Variants in NKAIN2 observed in about 807,000 individuals in gnomAD.
NKAIN2 encodes the protein sodium/potassium transporting ATPase interacting 2.
Under a neutral mutation model 32.6 loss-of-function variants are expected in NKAIN2, and 14 were observed. The ratio of observed to expected loss-of-function variants is 0.43; its 90% CI spans 0.28 to 0.67. The LOEUF (loss-of-function observed/expected upper bound fraction) is 0.67. Ranked by LOEUF, NKAIN2 falls within the 30% of genes least tolerant of loss-of-function variation. The pLI, the probability that NKAIN2 is intolerant of heterozygous loss-of-function variation, is 0.17. For missense variants in NKAIN2, 198 were observed against 258.3 expected (o/e 0.77, Z 1.60); for synonymous variants, 80 against 87.2 (o/e 0.92, Z 0.46).
intron 1 of NKAIN2, among the ~76,000 whole-genome samples, chr6:124,081,745 A>G (rs1433432528): frequency 6.6e-6 from 1 of 152,122 alleles, no homozygotes; most frequent in African/African-American, 2.4e-5. Context: ...AATTTGCAAT[A>G]CACCATAGAC....
chr6:124,127,164 G>T (rs189936625), intron 1 of NKAIN2, among the ~76,000 whole-genome samples: 1 of 152,270 alleles, frequency 6.6e-6, no homozygotes, highest in Non-Finnish European at 1.5e-5. Context: ...ATTCAGAAAT[G>T]ACTTCCAGGT....
At chr6:124,566,092 T>A (rs897493732) in intron 3 of NKAIN2, among the ~76,000 whole-genome samples, 4 of 152,194 alleles carry the variant, frequency 2.6e-5, no homozygotes, top group Admixed American at 2.6e-4. Context: ...CCAATTCCGA[T>A]TACCTCCAGA....
At chr6:124,511,941 G>A (rs972199764) in intron 3 of NKAIN2, among the ~76,000 whole-genome samples, 1 of 152,100 alleles carries the variant, frequency 6.6e-6, no homozygotes, top group Non-Finnish European at 1.5e-5. Context: ...TTTTGAAGTG[G>A]TTCTTTCGAT....
intron 4 of NKAIN2, among the ~76,000 whole-genome samples, chr6:124,736,565 A>T (rs1408950735): frequency 1.3e-5 from 2 of 151,970 alleles, no homozygotes; most frequent in Non-Finnish European, 2.9e-5. Flanking sequence ...TGCAGCTGGT[A>T]ACAAGTTGAA....
At chr6:124,739,334 A>C (rs896025053) in intron 4 of NKAIN2, among the ~76,000 whole-genome samples, 5 of 151,862 alleles carry the variant, frequency 3.3e-5, no homozygotes, top group Non-Finnish European at 5.9e-5. Flanking sequence ...AAGCAGTGGC[A>C]GCCAATATCA....
At chr6:123,906,521 T>A (rs1774881340) in intron 1 of NKAIN2, among the ~76,000 whole-genome samples, 1 of 152,096 alleles carries the variant, frequency 6.6e-6, no homozygotes. Flanking sequence ...TTGAATTCCT[T>A]GGCTCAAGCA....
intron 2 of NKAIN2, among the ~76,000 whole-genome samples, chr6:124,342,847 A>AT (rs1360521333): frequency 8.3e-6 from 1 of 119,966 alleles, no homozygotes; most frequent in African/African-American, 3.1e-5. Flanking sequence ...TATTATTATT[A>AT]TACTTTAAGT....
intron 1 of NKAIN2, among the ~76,000 whole-genome samples, chr6:124,170,398 T>G (rs947090947): frequency 4.6e-5 from 7 of 152,188 alleles, no homozygotes; most frequent in Non-Finnish European, 7.3e-5. Context: ...CATAGATATT[T>G]TTTTCTATTT....
In NKAIN2 at chr6:124,756,541, A is replaced by G. The variant is rs535902247; in HGVS notation, c.475-34798A>G. Among the ~76,000 whole-genome samples the G allele has an allele frequency of 1.4e-3, 211 of 152,254 alleles. 2 individuals are homozygous for G. Among genetic ancestry groups the G allele is most frequent in the African/African-American group, 4.6e-3 (193 of 41,558 alleles). On this transcript the variant is annotated intron_variant, in intron 4 of 6. Transcript: ENST00000368417. ...CTGGGCACAGTGACTTGTTTCTGTA[A>G]TCCAGAACTTTGGGAGGCCTAGGAG... is the stretch of plus-strand genomic sequence containing the variant.
At chr6:124,596,314 G>A (rs536830222) in intron 3 of NKAIN2, among the ~76,000 whole-genome samples, 1 of 152,166 alleles carries the variant, frequency 6.6e-6, no homozygotes, top group Non-Finnish European at 1.5e-5. Context: ...AGGTCCCAGA[G>A]TGTGGATAAG....
intron 1 of NKAIN2, among the ~76,000 whole-genome samples, chr6:124,205,456 T>C (rs1032626119): frequency 1.3e-5 from 2 of 151,768 alleles, no homozygotes; most frequent in South Asian, 4.1e-4. Flanking sequence ...CTGAATACTT[T>C]TACTCTACTG....
At chr6:124,735,525 TTATTGGGCTTTACTC>T (rs1026844843) in intron 4 of NKAIN2, among the ~76,000 whole-genome samples, 3 of 151,902 alleles carry the variant, frequency 2.0e-5, no homozygotes, top group Non-Finnish European at 2.9e-5. Flanking sequence ...ATATCTTGTT[TTATTGGGCTTTACTC>T]TATTGGGCTT....
At chr6:124,656,040 G>A (rs1181888466) in intron 3 of NKAIN2, among the ~76,000 whole-genome samples, 1 of 152,112 alleles carries the variant, frequency 6.6e-6, no homozygotes, top group Non-Finnish European at 1.5e-5. Flanking sequence ...CTTTTGAATG[G>A]TTTTCTCTTT....
At chr6:123,824,710 T>C (rs1248980861) in intron 1 of NKAIN2, among the ~76,000 whole-genome samples, 1 of 150,228 alleles carries the variant, frequency 6.7e-6, no homozygotes, top group Admixed American at 6.6e-5. Context: ...GTTCTACACA[T>C]GTATCCCAGA....
intron 1 of NKAIN2, among the ~76,000 whole-genome samples, chr6:124,274,230 C>T (rs1794927445): frequency 6.6e-6 from 1 of 152,062 alleles, no homozygotes; most frequent in Admixed American, 6.6e-5. Flanking sequence ...ATGTTCTGTT[C>T]TTACTGTGAA....
At chr6:124,611,358 G>GT (rs1782682251) in intron 3 of NKAIN2, among the ~76,000 whole-genome samples, 1 of 152,012 alleles carries the variant, frequency 6.6e-6, no homozygotes, top group African/African-American at 2.4e-5. Flanking sequence ...TATTTTGTTT[G>GT]TTTGTTTGTT....
At chr6:124,727,696 C>A (rs1776404103) in intron 4 of NKAIN2, among the ~76,000 whole-genome samples, 1 of 150,112 alleles carries the variant, frequency 6.7e-6, no homozygotes, top group East Asian at 2.0e-4. Flanking sequence ...GGATCAAATT[C>A]ACACATAACA....
At chr6:124,623,745 T>G (rs2114266835) in intron 3 of NKAIN2, among the ~76,000 whole-genome samples, 1 of 152,280 alleles carries the variant, frequency 6.6e-6, no homozygotes, top group African/African-American at 2.4e-5. Flanking sequence ...TTGGTTTTTC[T>G]TTTCTTCCTT....
chr6:123,839,880 A>G (rs564293269), intron 1 of NKAIN2, among the ~76,000 whole-genome samples: 48 of 152,282 alleles, frequency 3.2e-4, no homozygotes, highest in Non-Finnish European at 6.2e-4. Context: ...AATGTTACAG[A>G]AAACATGCTT....
Sources: allele counts gnomAD v4.1 joint callset (sites outside exome capture counted in the v4.1 genomes callset), GRCh38; gene constraint gnomAD v4.1.1; transcripts MANE v1.5; gene names NCBI Gene and HGNC (gene_info 2026-07-23, HGNC 2026-07-21).